SLC36A1: variants seen among roughly 807,000 people sequenced by gnomAD.
SLC36A1 encodes proton-coupled amino acid transporter 1.
SLC36A1 carries 30 observed loss-of-function variants against 47.5 expected under a neutral mutation model. The observed-to-expected ratio is 0.63, with a 90% CI of 0.47 to 0.86. SLC36A1 has a LOEUF of 0.86. Among genes scored for constraint, SLC36A1 ranks in the 40% least tolerant of loss-of-function variants. SLC36A1 has a pLI of 0.00. For synonymous variants in SLC36A1, 255 were observed against 249.7 expected (o/e 1.02, Z -0.20); for missense variants, 517 against 606.0 (o/e 0.85, Z 1.54).
chr5:151,388,153 A>G, the SLC36A1 span, among the ~76,000 whole-genome samples: 1 of 152,190 alleles, frequency 6.6e-6, no homozygotes, highest in African/African-American at 2.4e-5. Context: ...CTGATAAGAA[A>G]CATTTACAAT....
chr5:151,391,089 AGTGGTTT>A, the SLC36A1 span, among the ~76,000 whole-genome samples: 2 of 152,060 alleles, frequency 1.3e-5, no homozygotes, highest in African/African-American at 4.8e-5. Flanking sequence ...TTTGTTGAGC[AGTGGTTT>A]GTAGTTCTCC....
chr5:151,505,703 T>C, the SLC36A1 span: 2 of 1,613,884 alleles, frequency 1.2e-6, no homozygotes, highest in Non-Finnish European at 1.7e-6. Flanking sequence ...AGGGCCCAGC[T>C]CGGCTGAGGC....
chr5:151,389,489 C>T, the SLC36A1 span, among the ~76,000 whole-genome samples: 2 of 151,780 alleles, frequency 1.3e-5, no homozygotes, highest in South Asian at 2.1e-4. Context: ...TATACATGTG[C>T]GATGTTGGTG....
the SLC36A1 span, chr5:151,510,351 T>C: frequency 3.1e-6 from 2 of 640,256 alleles, no homozygotes; most frequent in East Asian, 2.8e-5. Flanking sequence ...AAGAGCACTT[T>C]GGTCCCTGCC....
At chr5:151,421,335 G>C in the SLC36A1 span, among the ~76,000 whole-genome samples, 1 of 149,068 alleles carries the variant, frequency 6.7e-6, no homozygotes, top group African/African-American at 2.5e-5. Flanking sequence ...TCCACCTCCT[G>C]AGCTCAAGAA....
the SLC36A1 span, among the ~76,000 whole-genome samples, chr5:151,394,355 C>A: frequency 6.6e-6 from 1 of 152,200 alleles, no homozygotes; most frequent in Non-Finnish European, 1.5e-5. Context: ...TGAACTTACC[C>A]CTTTAGCTCG....
chr5:151,389,871 A>G, the SLC36A1 span, among the ~76,000 whole-genome samples: 4 of 151,702 alleles, frequency 2.6e-5, no homozygotes, highest in Non-Finnish European at 5.9e-5. Context: ...ATAAACATAC[A>G]TGTGCATGTG....
intron 1 of SLC36A1, among the ~76,000 whole-genome samples, chr5:151,449,103 T>C (rs1194074603): frequency 6.6e-6 from 1 of 152,180 alleles, no homozygotes; most frequent in Non-Finnish European, 1.5e-5. Context: ...CTGTGTACAC[T>C]GAGTATCAGC....
the SLC36A1 span, among the ~76,000 whole-genome samples, chr5:151,388,968 G>GA: frequency 1.3e-4 from 19 of 151,694 alleles, no homozygotes; most frequent in African/African-American, 2.2e-4. Flanking sequence ...ATCAAAAATA[G>GA]AAAAAAAACC....
At chr5:151,493,935 T>G (rs932869937), downstream of SLC36A1, among the ~76,000 whole-genome samples, 2 of 152,194 alleles carry the variant, frequency 1.3e-5, no homozygotes, top group African/African-American at 2.4e-5. Context: ...TCCAAAATAC[T>G]TCTGCTTGTT....
intron 6 of SLC36A1, among the ~76,000 whole-genome samples, 153 bp from the exon 7 acceptor site, chr5:151,467,554 G>T (rs933802446): frequency 1.6e-4 from 24 of 152,082 alleles, no homozygotes; most frequent in Non-Finnish European, 2.9e-4. Flanking sequence ...GATGATAGTC[G>T]TGAAGTTCTC....
chr5:151,430,859 C>A, the SLC36A1 span, among the ~76,000 whole-genome samples: 34 of 152,318 alleles, frequency 2.2e-4, no homozygotes, highest in Admixed American at 1.8e-3. Context: ...TAACACAAAG[C>A]CTTGCCCATT....
the SLC36A1 span, among the ~76,000 whole-genome samples, chr5:151,417,397 C>T: frequency 1.3e-5 from 2 of 152,170 alleles, no homozygotes; most frequent in African/African-American, 4.8e-5. Flanking sequence ...AATTGGGACA[C>T]AGGGCACTAT....
chr5:151,514,855 A>T, the SLC36A1 span, among the ~76,000 whole-genome samples: 4 of 152,074 alleles, frequency 2.6e-5, no homozygotes, highest in Non-Finnish European at 5.9e-5. Flanking sequence ...GGGTCTACTG[A>T]TTCTCCTTCC....
chr5:151,461,534 C>G (rs943598436), intron 2 of SLC36A1, among the ~76,000 whole-genome samples: 7 of 152,160 alleles, frequency 4.6e-5, no homozygotes, highest in Admixed American at 2.0e-4. Context: ...GTGGTCTGCA[C>G]ACTTTGTGGG....
the SLC36A1 span, among the ~76,000 whole-genome samples, chr5:151,408,053 A>G: frequency 6.6e-6 from 1 of 152,234 alleles, no homozygotes; most frequent in African/African-American, 2.4e-5. Context: ...TTTTAAGGAT[A>G]AGGAAATCGA....
chr5:151,385,343 C>T, the SLC36A1 span, among the ~76,000 whole-genome samples: 75,303 of 151,956 alleles, frequency 0.5, 20,688 homozygotes, highest in African/African-American at 0.75. Context: ...ACTCACTTAC[C>T]CTTCCCACCT....
the SLC36A1 span, among the ~76,000 whole-genome samples, chr5:151,349,963 T>C: frequency 2.6e-5 from 4 of 152,190 alleles, no homozygotes; most frequent in Non-Finnish European, 5.9e-5. Context: ...TCTTTTTTAA[T>C]AGATTAGAGA....
chr5:151,503,845 G>T, the SLC36A1 span, among the ~76,000 whole-genome samples: 4 of 152,188 alleles, frequency 2.6e-5, no homozygotes, highest in Non-Finnish European at 5.9e-5. Flanking sequence ...CCATCTAAAT[G>T]GAGGGGCTTG....
Sources: allele counts gnomAD v4.1 joint callset (sites outside exome capture counted in the v4.1 genomes callset), GRCh38; gene constraint gnomAD v4.1.1; transcripts MANE v1.5; gene names NCBI Gene and HGNC (gene_info 2026-07-23, HGNC 2026-07-21).